Variants in TAFA1 observed in about 807,000 individuals in gnomAD.
The protein encoded by TAFA1 is TAFA chemokine like family member 1.
A neutral mutation model predicts 18.5 loss-of-function variants in TAFA1; 4 were observed. That is an observed-to-expected ratio of 0.22 (90% confidence interval 0.11 to 0.49). TAFA1 has a LOEUF of 0.49. TAFA1 is among the 20% of genes least tolerant of loss of function. TAFA1 has a pLI of 0.98. For missense variants in TAFA1, 147 were observed against 169.0 expected, an observed-to-expected ratio of 0.87 and a Z score of 0.72; for synonymous variants, 56 against 55.2, an observed-to-expected ratio of 1.01 and a Z score of -0.06.
chr3:68,208,009 A>T lies in TAFA1; in HGVS notation c.118+201265A>T, dbSNP rs145902736. Among the ~76,000 whole-genome samples, 773 of 151,940 alleles carry T rather than the reference A, an allele frequency of 5.1e-3. 11 individuals carry two copies. The highest frequency in any genetic ancestry group is 0.017 in the African/African-American group (724 of 41,462). ...GACTCAGAGACTTAGAAACAGGAAG[A>T]CCCTTCACTGTTTTGCTTTACATTC... On this transcript the variant is annotated intron_variant, in intron 2 of 4. Transcript: ENST00000478136.
At chr3:68,377,484 A>C (rs1349477536) in intron 2 of TAFA1, among the ~76,000 whole-genome samples, 1 of 152,192 alleles carries the variant, frequency 6.6e-6, no homozygotes, top group African/African-American at 2.4e-5. Context: ...GAGAGAGATG[A>C]TCTGAAATTG....
intron 2 of TAFA1, among the ~76,000 whole-genome samples, chr3:68,038,540 G>A (rs1240356582): frequency 6.6e-6 from 1 of 152,136 alleles, no homozygotes; most frequent in African/African-American, 2.4e-5. Flanking sequence ...AACTCTAGCA[G>A]GTGCTCAGTG....
intron 2 of TAFA1, among the ~76,000 whole-genome samples, chr3:68,052,417 C>G (rs2064482058): frequency 1.3e-5 from 2 of 152,098 alleles, no homozygotes; most frequent in Non-Finnish European, 2.9e-5. Context: ...CTCCAATGTC[C>G]TCACAATGTT....
At chr3:68,274,711 C>A (rs2067759699) in intron 2 of TAFA1, among the ~76,000 whole-genome samples, 1 of 152,124 alleles carries the variant, frequency 6.6e-6, no homozygotes. Context: ...CCCGCCCCGC[C>A]CCCGCCCACA....
At chr3:68,378,020 A>G (rs984332924) in intron 2 of TAFA1, among the ~76,000 whole-genome samples, 5 of 152,214 alleles carry the variant, frequency 3.3e-5, no homozygotes, top group Non-Finnish European at 2.9e-5. Context: ...TCCAGGCAGA[A>G]GTCTGCTTCA....
At position 68,490,635 on chromosome 3, in the gene TAFA1, T is replaced by G. The variant is rs1284821986; in HGVS notation, c.260-48121T>G. Among the ~76,000 whole-genome samples, 4 of 152,116 alleles carry G rather than the reference T, an allele frequency of 2.6e-5. No homozygotes were observed. In the East Asian group the frequency reaches 7.7e-4, roughly 29 times the overall value. Reference sequence around the variant, plus strand: ...ATTTAAAAATCATAAAATAAGCCACTCTTCTTGCTAATTTTTTTTGTTTTG... The same window carrying G: ...ATTTAAAAATCATAAAATAAGCCACGCTTCTTGCTAATTTTTTTTGTTTTG... On this transcript the variant is annotated intron_variant, in intron 3 of 4. Coordinates refer to ENST00000478136, the MANE Select transcript of TAFA1 (RefSeq NM_213609.4).
chr3:68,087,367 A>G (rs1198581198), intron 2 of TAFA1, among the ~76,000 whole-genome samples: 6 of 152,192 alleles, frequency 3.9e-5, no homozygotes, highest in Non-Finnish European at 5.9e-5. Context: ...TTGACTATCC[A>G]TACCAGAAAT....
At chr3:68,359,180 G>A (rs1214611828) in intron 2 of TAFA1, among the ~76,000 whole-genome samples, 1 of 151,948 alleles carries the variant, frequency 6.6e-6, no homozygotes. Flanking sequence ...AATACATGAA[G>A]TTCTTCCAGT....
intron 2 of TAFA1, among the ~76,000 whole-genome samples, chr3:68,037,307 C>A (rs1705072958): frequency 1.3e-5 from 2 of 152,026 alleles, no homozygotes; most frequent in Non-Finnish European, 2.9e-5. Context: ...GAGATGACGC[C>A]AAAGAGGAAA....
At chr3:68,537,913 C>T (rs2073301236) in intron 3 of TAFA1, among the ~76,000 whole-genome samples, 1 of 152,128 alleles carries the variant, frequency 6.6e-6, no homozygotes, top group South Asian at 2.1e-4. Flanking sequence ...TAACTCAAGG[C>T]TGGTCACGTG....
chr3:68,324,932 A>C (rs1242718732), intron 2 of TAFA1, among the ~76,000 whole-genome samples: 1 of 152,106 alleles, frequency 6.6e-6, no homozygotes, highest in Non-Finnish European at 1.5e-5. Context: ...CGTGGTTAGA[A>C]AGTTGTCTCA....
intron 2 of TAFA1, among the ~76,000 whole-genome samples, chr3:68,208,553 C>A (rs149191950): frequency 1.3e-4 from 20 of 152,114 alleles, no homozygotes; most frequent in Admixed American, 1.2e-3. Context: ...AAGGGACTGG[C>A]TCTAACATAG....
chr3:68,104,377 T>G lies in TAFA1; in HGVS notation c.118+97633T>G, dbSNP rs138930851. On this transcript the variant is annotated intron_variant, in intron 2 of 4. Coordinates refer to ENST00000478136, the MANE Select transcript of TAFA1 (RefSeq NM_213609.4). ...TAAATGTGGAAAATATATGTAAAAA[T>G]TGTAAAATATATTAACAGAAAAATT... Among the ~76,000 whole-genome samples, 264 of 152,164 alleles carry G rather than the reference T, an allele frequency of 1.7e-3. 2 individuals are homozygous for G. Among genetic ancestry groups the G allele is most frequent in the African/African-American group, 5.5e-3 (228 of 41,560 alleles).
At chr3:68,075,370 C>A (rs1375200617) in intron 2 of TAFA1, among the ~76,000 whole-genome samples, 2 of 152,130 alleles carry the variant, frequency 1.3e-5, no homozygotes, top group Non-Finnish European at 2.9e-5. Context: ...GATTCAGAAA[C>A]CAACTTGTAG....
intron 2 of TAFA1, among the ~76,000 whole-genome samples, chr3:68,130,609 G>A (rs540416975): frequency 6.6e-6 from 1 of 152,264 alleles, no homozygotes; most frequent in South Asian, 2.1e-4. Context: ...CCAAGTTTGT[G>A]CCACTGCCTA....
intron 2 of TAFA1, among the ~76,000 whole-genome samples, chr3:68,074,072 C>T (rs753283218): frequency 9.2e-5 from 14 of 152,152 alleles, no homozygotes; most frequent in Non-Finnish European, 1.9e-4. Context: ...ACAGTCCCAT[C>T]TGCGGGTGAT....
chr3:68,057,890 A>G (rs1221992401), intron 2 of TAFA1, among the ~76,000 whole-genome samples: 1 of 152,182 alleles, frequency 6.6e-6, no homozygotes, highest in African/African-American at 2.4e-5. Context: ...GAAGGCAAAC[A>G]ATGGATTCTC....
intron 2 of TAFA1, chr3:68,144,915 C>T (rs763011821): frequency 3.1e-5 from 22 of 714,978 alleles, no homozygotes; most frequent in Admixed American, 3.0e-4. Flanking sequence ...AATAATAGGT[C>T]ATATCTTAGA....
intron 2 of TAFA1, among the ~76,000 whole-genome samples, chr3:68,105,943 T>C (rs2065198220): frequency 6.6e-6 from 1 of 152,126 alleles, no homozygotes; most frequent in African/African-American, 2.4e-5. Flanking sequence ...GACAGCCTAC[T>C]GTAGGTAATG....
Sources: gnomAD v4.1 joint callset for allele counts (sites outside exome capture counted in the v4.1 genomes callset) on GRCh38, gnomAD v4.1.1 for gene constraint, MANE v1.5 for transcripts, NCBI Gene and HGNC (gene_info 2026-07-23, HGNC 2026-07-21) for gene names.